The following ABCC2 variants were observed in gnomAD, a reference collection of about 807,000 sequenced individuals.
The protein encoded by ABCC2 is ATP-binding cassette sub-family C member 2.
Under a neutral mutation model 173.4 loss-of-function variants are expected in ABCC2, and 157 were observed. The observed-to-expected ratio is 0.91, with a 90% CI of 0.80 to 1.03. The LOEUF is 1.03. Among genes scored for constraint, ABCC2 ranks in the 50% least tolerant of loss-of-function variants. The pLI is 0.00. For missense variants in ABCC2, 1,822 were observed against 1,852.3 expected, an observed-to-expected ratio of 0.98 and a Z score of 0.30; for synonymous variants, 657 against 693.5, an observed-to-expected ratio of 0.95 and a Z score of 0.83.
chr10:99,836,924 T>C (rs1260367732), intron 25 of ABCC2, among the ~76,000 whole-genome samples: 1 of 152,172 alleles, frequency 6.6e-6, no homozygotes. Context: ...CCAAAGTGTC[T>C]TGAGGCGCTA....
chr10:99,812,851 A>T (rs2038240351), intron 15 of ABCC2, among the ~76,000 whole-genome samples, 167 bp from the exon 16 acceptor site: 1 of 152,258 alleles, frequency 6.6e-6, no homozygotes, highest in Non-Finnish European at 1.5e-5. Flanking sequence ...AGAAAAAGAA[A>T]AAGTATTAAA....
chr10:99,784,697 G>A lies in ABCC2; in HGVS notation c.123G>A (p.Trp41Ter). Residue 41 changes from tryptophan to a stop codon, truncating the protein, a stop_gained, in exon 2 of 32, where the codon TGG (tryptophan) becomes TGA (stop). Transcript: ENST00000647814. LOFTEE classifies it high-confidence loss of function. ...VLVWIPLGYL[W>*]LLAPWQLLHV... ...TGTGGATTCCCTTGGGCTACCTATG[G>A]CTCCTGGCCCCCTGGCAGCTTCTCC... 6.2e-7 allele frequency: 1 copy of A among 1,614,120 alleles called. No homozygotes were observed. Among genetic ancestry groups the A allele is most frequent in the Non-Finnish European group, 8.5e-7 (1 of 1,179,978 alleles).
Position 99,834,441 on chromosome 10 carries a change from TG to T in ABCC2, c.3324del (p.Ile1109Ter). 3 of 1,614,198 alleles carry T rather than the reference TG, an allele frequency of 1.9e-6. No individual in the cohort carries two copies. Among genetic ancestry groups the T allele is most frequent in the Non-Finnish European group, 2.5e-6 (3 of 1,180,032 alleles). On this transcript the variant is annotated frameshift_variant, in exon 24 of 32. Transcript: ENST00000647814. LOFTEE classifies it high-confidence loss of function. ...TTGCGCAGCTGGATTACATGCTTCC[TG>T]GGGATAATCAGCACCCTTGTCATGA... ...QSLRSWITCF[L>X]GIISTLVMIC...
At chr10:99,815,032 T>C (rs1033957062) in intron 16 of ABCC2, among the ~76,000 whole-genome samples, 2 of 151,756 alleles carry the variant, frequency 1.3e-5, no homozygotes, top group Non-Finnish European at 2.9e-5. Flanking sequence ...GTTTGTTACA[T>C]AGGTGTACAT....
intron 24 of ABCC2, among the ~76,000 whole-genome samples, chr10:99,834,898 G>A (rs1241835115): frequency 6.6e-6 from 1 of 152,224 alleles, no homozygotes; most frequent in African/African-American, 2.4e-5. Flanking sequence ...GGTTCCAGAA[G>A]AGCCATGCTA....
chr10:99,814,166 T>C (rs1435977075), intron 16 of ABCC2, among the ~76,000 whole-genome samples: 3 of 125,894 alleles, frequency 2.4e-5, no homozygotes, highest in Non-Finnish European at 5.1e-5. Flanking sequence ...TACACACGTA[T>C]ATATACACAC....
At chr10:99,800,290 C>T in intron 8 of ABCC2, 96 bp from the exon 9 acceptor site, 1 of 1,293,044 alleles carries the variant, frequency 7.7e-7, no homozygotes, top group Non-Finnish European at 1.1e-6. Flanking sequence ...TTGTTACCTA[C>T]AGTGTAAAGA....
At position 99,847,138 on chromosome 10, in the gene ABCC2, A is replaced by C. The variant is rs17222681; in HGVS notation, c.4313+11A>C. ...TGGTGGCAACCTGAGGTAATGTTCCATAGCCTGCTACCCCTGCAGGCAATG... is the reference window on the plus strand; with the variant it reads ...TGGTGGCAACCTGAGGTAATGTTCCCTAGCCTGCTACCCCTGCAGGCAATG... On this transcript the variant is annotated intron_variant, in intron 30 of 31. Transcript: ENST00000647814. 1.6e-4 allele frequency: 253 copies of C among 1,614,040 alleles called. No individual in the cohort carries two copies. The African/African-American group carries it at 3.0e-3, about 19-fold the overall frequency.
At chr10:99,792,479 T>C (rs2037826396) in intron 3 of ABCC2, 120 bp downstream of exon 3, 2 of 1,431,512 alleles carry the variant, frequency 1.4e-6, no homozygotes, top group East Asian at 4.8e-5. Context: ...GCGGGATCCA[T>C]AGTGAGGCAA....
chr10:99,799,414 C>T (rs1387078862), intron 8 of ABCC2, 44 bp downstream of exon 8: 3 of 1,607,104 alleles, frequency 1.9e-6, no homozygotes, highest in Non-Finnish European at 1.7e-6. Context: ...GCCTCCTCTG[C>T]CACCCTCCTT....
Position 99,850,738 on chromosome 10 carries a change from G to A in ABCC2, c.4450G>A (p.Ala1484Thr), listed in dbSNP as rs1354984709. 11 of 1,614,044 alleles carry A rather than the reference G, an allele frequency of 6.8e-6. No homozygotes were observed. The highest frequency in any genetic ancestry group is 4.5e-5 in the East Asian group (2 of 44,894). Residue 1484 changes from alanine to threonine, a missense_variant, in exon 31 of 32, where the codon GCC becomes ACC. Ala to Thr is a moderately conservative substitution (Grantham distance 58). Transcript: ENST00000647814. ...LIQTTIQNEF[A>T]HCTVITIAHR... Reference sequence around the variant, plus strand: ...TCAGACGACCATCCAAAACGAGTTCGCCCACTGCACAGTGATCACCATCGC... The same window carrying A: ...TCAGACGACCATCCAAAACGAGTTCACCCACTGCACAGTGATCACCATCGC...
At position 99,814,538 on chromosome 10, in the gene ABCC2, TAC is replaced by T. The variant is rs372165010; in HGVS notation, c.2094+1402_2094+1403del. On this transcript the variant is annotated intron_variant, in intron 16 of 31. Transcript: ENST00000647814. ...GTATATATACATATATATACACATATACACACACATATGTGTATATACACATA... is the reference window on the plus strand; with the variant it reads ...GTATATATACATATATATACACATATACACACATATGTGTATATACACATA... Among the ~76,000 whole-genome samples, 22 of 79,598 alleles carry T rather than the reference TAC, an allele frequency of 2.8e-4. 1 individual carries two copies. Among genetic ancestry groups the T allele is most frequent in the South Asian group, 8.0e-4 (2 of 2,496 alleles). The allele number at this position is 79,598 out of a possible 152,430, so 52.2% of individuals were successfully genotyped here. A position where few individuals can be genotyped will look rare whatever the true frequency, so the allele number is the denominator to read the frequency against.
At position 99,800,419 on chromosome 10, in the gene ABCC2, A is replaced by G. The variant is rs1312585527; in HGVS notation, c.1065A>G (p.Thr355=). 2 of 1,614,154 alleles carry G rather than the reference A, an allele frequency of 1.2e-6. No homozygotes were observed. Among genetic ancestry groups the G allele is most frequent in the East Asian group, 4.5e-5 (2 of 44,884 alleles). The part of the protein sequence containing the change: ...LLISFASDRD[T]YLWIGYLCAI... ...TCTCCTTTGCAAGTGACCGTGACAC[A>G]TATTTGTGGATTGGATATCTCTGTG... The change falls in exon 9 of 32, where the codon ACA becomes ACG. Residue 355 remains threonine (T), a synonymous_variant. Transcript: ENST00000647814.
At chr10:99,814,309 G>GCA (rs1554850674) in intron 16 of ABCC2, among the ~76,000 whole-genome samples, 1 of 43,778 alleles carries the variant, frequency 2.3e-5, no homozygotes, top group African/African-American at 9.2e-5. Context: ...ATACACACAT[G>GCA]TATATACACA....
In ABCC2 at chr10:99,847,078, C is replaced by T; in HGVS notation, c.4264C>T (p.Leu1422=). The change falls in exon 30 of 32, where the codon CTG becomes TTG. Residue 1422 remains leucine, a synonymous_variant. Transcript: ENST00000647814. ...LAHLKSFVAS[L]QLGLSHEVTE... ...TCACCTCAAGTCTTTTGTGGCCAGC[C>T]TGCAACTTGGGTTATCCCACGAAGT... 1.2e-6 allele frequency: 2 copies of T among 1,614,202 alleles called. No homozygotes were observed. The highest frequency in any genetic ancestry group is 1.7e-6 in the Non-Finnish European group (2 of 1,180,034).
chr10:99,831,582 C>T (rs1169551815), intron 21 of ABCC2, 29 bp from the exon 22 acceptor site: 4 of 1,595,404 alleles, frequency 2.5e-6, no homozygotes, highest in Non-Finnish European at 3.4e-6. Flanking sequence ...TTAGGGAGTT[C>T]TACTAATATT....
At position 99,811,599 on chromosome 10, in the gene ABCC2, G is replaced by A. The variant is rs200976632; in HGVS notation, c.1964G>A (p.Arg655Gln). 1.1e-5 allele frequency: 18 copies of A among 1,614,070 alleles called. No individual in the cohort carries two copies. The East Asian group carries it at 2.0e-4, about 18-fold the overall frequency. ...GAACATGATTCGGAAGCCACAGTCC[G>A]AGAGTGAGTTGCCTTCTTTCCATCC... ...TWEHDSEATV[R>Q]DVNLDIMAGQ... The change falls in exon 15 of 32, where the codon CGA (arginine) becomes CAA (glutamine). Residue 655 changes from arginine to glutamine, a missense_variant. By Grantham distance (43) the Arg-to-Gln change is conservative (BLOSUM62 1). Transcript: ENST00000647814.
chr10:99,825,831 C>G (rs761100809), intron 19 of ABCC2, among the ~76,000 whole-genome samples: 1 of 152,140 alleles, frequency 6.6e-6, no homozygotes, highest in Non-Finnish European at 1.5e-5. Context: ...GCTGCACTGC[C>G]GCTCGTGGCG....
intron 25 of ABCC2, among the ~76,000 whole-genome samples, chr10:99,840,813 C>A (rs1035571198): frequency 7.6e-6 from 1 of 131,584 alleles, no homozygotes; most frequent in Admixed American, 7.7e-5. Context: ...CTGCGCCCAG[C>A]CACCTGTGAG....
Sources: allele counts gnomAD v4.1 joint callset (sites outside exome capture counted in the v4.1 genomes callset), GRCh38; gene constraint gnomAD v4.1.1; transcripts MANE v1.5; gene names NCBI Gene and HGNC (gene_info 2026-07-23, HGNC 2026-07-21).